The following KIAA1217 variants were observed in gnomAD, a reference collection of about 807,000 sequenced individuals.
KIAA1217 encodes the protein KIAA1217.
A neutral mutation model predicts 163.9 loss-of-function variants in KIAA1217; 88 were observed. That is an observed-to-expected ratio of 0.54 (90% CI 0.45 to 0.64). KIAA1217 has a LOEUF of 0.64. KIAA1217 is among the 30% of genes least tolerant of loss of function. The pLI is 0.00. For synonymous variants in KIAA1217, 903 were observed against 923.1 expected, an observed-to-expected ratio of 0.98 and a Z score of 0.39; for missense variants, 2,372 against 2,475.0, an observed-to-expected ratio of 0.96 and a Z score of 0.88.
chr10:24,358,803 T>C (rs1239966467), intron 2 of KIAA1217, among the ~76,000 whole-genome samples: 1 of 152,228 alleles, frequency 6.6e-6, no homozygotes, highest in African/African-American at 2.4e-5. Context: ...AGAAATAATC[T>C]TGTCACCCTT....
At chr10:24,029,546 CA>C (rs1400219888) in intron 2 of KIAA1217, among the ~76,000 whole-genome samples, 4 of 152,018 alleles carry the variant, frequency 2.6e-5, no homozygotes, top group Non-Finnish European at 5.9e-5. Context: ...TAATTCTGGG[CA>C]AATTTTGGAA....
intron 2 of KIAA1217, among the ~76,000 whole-genome samples, chr10:24,170,970 A>C (rs2065601407): frequency 6.6e-6 from 1 of 152,228 alleles, no homozygotes; most frequent in African/African-American, 2.4e-5. Context: ...TGAGTAGAAA[A>C]GCAAATTCCA....
rs562938938 is a variant in KIAA1217, at chr10:23,905,063, CTTTTTTTTTT to C, written c.-320-102148_-320-102139del. Among the ~76,000 whole-genome samples, 3 of 99,942 alleles carry C rather than the reference CTTTTTTTTTT, an allele frequency of 3.0e-5. No homozygotes were observed. The Admixed American group carries it at 3.3e-4, about 11-fold the overall frequency. 65.6% of individuals were successfully genotyped at this position (99,942 alleles called of 152,430 possible). ...ATTGGGATTCTTCTTTTCTCTTTTCCTTTTTTTTTTTTTTTTTTTTTTTAGCAGAGTAATC... is the reference window on the plus strand; with the variant it reads ...ATTGGGATTCTTCTTTTCTCTTTTCCTTTTTTTTTTTTTAGCAGAGTAATC... On this transcript the variant is annotated intron_variant, in intron 1 of 18. Transcript: ENST00000376462.
At chr10:24,125,532 C>T (rs1325698660) in intron 2 of KIAA1217, among the ~76,000 whole-genome samples, 2 of 151,854 alleles carry the variant, frequency 1.3e-5, no homozygotes, top group South Asian at 2.1e-4. Context: ...TTTTAAAAAT[C>T]TCTACCTTCT....
At chr10:24,171,181 C>T (rs528571326) in intron 2 of KIAA1217, among the ~76,000 whole-genome samples, 1 of 152,268 alleles carries the variant, frequency 6.6e-6, no homozygotes, top group Admixed American at 6.5e-5. Flanking sequence ...GTGAGTGCTC[C>T]GAGCAAATGG....
chr10:24,544,917 C>T, intron 19 of KIAA1217, 64 bp from the exon 20 acceptor site: 2 of 1,561,428 alleles, frequency 1.3e-6, no homozygotes, highest in Non-Finnish European at 1.8e-6. Flanking sequence ...CGTGGGGCAG[C>T]CTCACAGATG....
intron 1 of KIAA1217, among the ~76,000 whole-genome samples, chr10:23,850,971 C>T (rs2131095599): frequency 6.6e-6 from 1 of 152,168 alleles, no homozygotes; most frequent in East Asian, 1.9e-4. Flanking sequence ...ATGATCCAGT[C>T]ACCACCCACC....
Position 23,813,061 on chromosome 10 carries a change from A to G in KIAA1217, c.-321+117827A>G, listed in dbSNP as rs187153393. On this transcript the variant is annotated intron_variant, in intron 1 of 18. Coordinates refer to the KIAA1217 transcript ENST00000376462. ...ACCATGTTACATGTTCACCAGCAGC[A>G]TAGAAGGTTTCAAAGTCTCTACATT... Among the ~76,000 whole-genome samples the G allele has an allele frequency of 7.6e-4, 115 of 152,310 alleles. 2 individuals carry two copies. Among genetic ancestry groups the G allele is most frequent in the Admixed American group, 3.5e-3 (53 of 15,292 alleles).
At chr10:23,910,912 A>G (rs1258951312) in intron 1 of KIAA1217, among the ~76,000 whole-genome samples, 5 of 152,162 alleles carry the variant, frequency 3.3e-5, no homozygotes, top group African/African-American at 9.6e-5. Flanking sequence ...CCAAGGATCT[A>G]CTGATCTGCA....
intron 1 of KIAA1217, among the ~76,000 whole-genome samples, chr10:23,697,740 G>A (rs1195654122): frequency 2.6e-5 from 4 of 151,566 alleles, no homozygotes; most frequent in African/African-American, 9.7e-5. Context: ...TAGCTGGCAT[G>A]GTGATGTGCA....
At position 23,920,256 on chromosome 10, in the gene KIAA1217, G is replaced by A. The variant is rs568702855; in HGVS notation, c.-320-86969G>A. On this transcript the variant is annotated intron_variant, in intron 1 of 18. Coordinates refer to the KIAA1217 transcript ENST00000376462. Reference sequence around the variant, plus strand: ...GAGAGGGACTAGAAGCCCTTTTGTAGGGTTTCATTTGTGACCATGGAGATC... The same window carrying A: ...GAGAGGGACTAGAAGCCCTTTTGTAAGGTTTCATTTGTGACCATGGAGATC... 2.0e-5 allele frequency among the ~76,000 whole-genome samples: 3 copies of A among 152,280 alleles called. No homozygotes were observed. In the East Asian group the frequency reaches 5.8e-4, roughly 29 times the overall value.
intron 2 of KIAA1217, among the ~76,000 whole-genome samples, chr10:24,126,476 C>T (rs1460802459): frequency 2.6e-5 from 4 of 151,890 alleles, no homozygotes; most frequent in Non-Finnish European, 5.9e-5. Flanking sequence ...GTCCAAAGTC[C>T]CATATTTATT....
chr10:23,970,375 A>C (rs1845264277), intron 1 of KIAA1217, among the ~76,000 whole-genome samples: 1 of 152,214 alleles, frequency 6.6e-6, no homozygotes, highest in Non-Finnish European at 1.5e-5. Context: ...TGAAGGAAGT[A>C]AGTCAGGCAC....
At chr10:23,905,698 AAG>A (rs1009094823) in intron 1 of KIAA1217, among the ~76,000 whole-genome samples, 2 of 152,130 alleles carry the variant, frequency 1.3e-5, no homozygotes, top group African/African-American at 2.4e-5. Context: ...TTAATGGAAA[AAG>A]AGAGGAGTTG....
chr10:23,761,824 G>GT (rs201084128), intron 1 of KIAA1217, among the ~76,000 whole-genome samples: 1,823 of 150,580 alleles, frequency 0.012, 37 homozygotes, highest in African/African-American at 0.042. Context: ...ATTAGCTGGT[G>GT]TTTTTTTTTG....
intron 1 of KIAA1217, among the ~76,000 whole-genome samples, chr10:23,981,059 T>C (rs1035776182): frequency 4.6e-5 from 7 of 152,198 alleles, no homozygotes; most frequent in African/African-American, 1.7e-4. Context: ...TAAAACCGTA[T>C]TTGCACCAAA....
intron 5 of KIAA1217, among the ~76,000 whole-genome samples, chr10:24,469,234 G>A (rs1159216520): frequency 1.3e-5 from 2 of 150,774 alleles, no homozygotes; most frequent in Non-Finnish European, 3.0e-5. Context: ...CAAGCAATTC[G>A]TGTGCCTCAG....
chr10:24,086,070 T>C (rs1243652054), intron 2 of KIAA1217, among the ~76,000 whole-genome samples: 2 of 151,894 alleles, frequency 1.3e-5, no homozygotes, highest in Non-Finnish European at 2.9e-5. Flanking sequence ...ACACCCCTGA[T>C]TGATGCCCCT....
chr10:24,123,134 TTGTGTGTG>T (rs35526705), intron 2 of KIAA1217, among the ~76,000 whole-genome samples: 1 of 148,070 alleles, frequency 6.8e-6, no homozygotes, highest in Admixed American at 6.7e-5. Flanking sequence ...TACTGTGTGT[TTGTGTGTG>T]TGTGTGTGTG....
Sources: gnomAD v4.1 joint callset for allele counts (sites outside exome capture counted in the v4.1 genomes callset) on GRCh38, gnomAD v4.1.1 for gene constraint, MANE v1.5 for transcripts, NCBI Gene and HGNC (gene_info 2026-07-23, HGNC 2026-07-21) for gene names.